The following PTBP3 variants were observed in gnomAD, a reference collection of about 807,000 sequenced individuals.
The protein encoded by PTBP3 is polypyrimidine tract-binding protein 3.
A neutral mutation model predicts 58.7 loss-of-function variants in PTBP3; 20 were observed. The ratio of observed to expected loss-of-function variants is 0.34; its 90% confidence interval spans 0.24 to 0.50. The LOEUF is 0.50. Among genes scored for constraint, PTBP3 ranks in the 20% least tolerant of loss-of-function variants. PTBP3 has a pLI of 0.98. For missense variants in PTBP3, 509 were observed against 637.2 expected (o/e 0.80, Z 2.17); for synonymous variants, 185 against 219.8 (o/e 0.84, Z 1.40).
At chr9:112,334,012 C>T (rs1830507672), upstream of PTBP3, among the ~76,000 whole-genome samples, 2 of 151,738 alleles carry the variant, frequency 1.3e-5, no homozygotes, top group South Asian at 2.1e-4. Context: ...CTCCCTCTGC[C>T]GGCAGGAAAA....
intron 3 of PTBP3, among the ~76,000 whole-genome samples, chr9:112,268,712 CAAAAAAAAAA>C (rs56196327): frequency 4.3e-5 from 4 of 94,064 alleles, no homozygotes; most frequent in Non-Finnish European, 8.8e-5. Context: ...GACACCGTCT[CAAAAAAAAAA>C]AAAAAAAAAA....
intron 2 of PTBP3, among the ~76,000 whole-genome samples, chr9:112,291,948 AATC>A (rs1398779788): frequency 7.7e-6 from 1 of 129,682 alleles, no homozygotes; most frequent in African/African-American, 3.1e-5. Context: ...GGGAGAAAGA[AATC>A]ATAAACTACA....
chr9:112,310,289 T>C (rs1587872176), intron 1 of PTBP3, among the ~76,000 whole-genome samples: 1 of 152,248 alleles, frequency 6.6e-6, no homozygotes, highest in African/African-American at 2.4e-5. Flanking sequence ...CTTCATTTTA[T>C]ATGGACATCT....
chr9:112,228,481 A>C lies in PTBP3; in HGVS notation c.1055-9T>G. On this transcript the variant is annotated splice_polypyrimidine_tract_variant and intron_variant, in intron 10 of 13. Transcript: ENST00000374257. ...TACATCACCATAGACTCCTAATTAAAACAAAACAAAACACTGTGTTTAACG... is the reference window on the plus strand; with the variant it reads ...TACATCACCATAGACTCCTAATTAACACAAAACAAAACACTGTGTTTAACG... The C allele has an allele frequency of 6.7e-7, 1 of 1,502,486 alleles. No homozygotes were observed. The highest frequency in any genetic ancestry group is 9.1e-7 in the Non-Finnish European group (1 of 1,101,814). 93.1% of individuals were successfully genotyped at this position (1,502,486 alleles called of 1,614,324 possible).
chr9:112,340,287 G>T, the PTBP3 span, among the ~76,000 whole-genome samples: 1 of 152,178 alleles, frequency 6.6e-6, no homozygotes, highest in Non-Finnish European at 1.5e-5. Context: ...TACTAAATTT[G>T]TATTTCTGGT....
At chr9:112,333,709 C>T, upstream of PTBP3, 1 of 404,252 alleles carries the variant, frequency 2.5e-6, no homozygotes, top group Non-Finnish European at 4.4e-6. Flanking sequence ...TAGCCCGACC[C>T]CGCCCCCTCA....
intron 2 of PTBP3, among the ~76,000 whole-genome samples, chr9:112,278,937 T>C (rs531725778): frequency 6.6e-6 from 1 of 152,348 alleles, no homozygotes; most frequent in South Asian, 2.1e-4. Flanking sequence ...GTTCTATTTT[T>C]TCCCAATCAA....
chr9:112,235,241 TA>T (rs370123343), intron 7 of PTBP3, among the ~76,000 whole-genome samples: 44 of 151,440 alleles, frequency 2.9e-4, no homozygotes, highest in South Asian at 6.3e-4. Flanking sequence ...TATGCTGATT[TA>T]AAAAAAAATG....
intron 7 of PTBP3, among the ~76,000 whole-genome samples, chr9:112,240,644 A>G: frequency 1.0e-5 from 1 of 97,838 alleles, no homozygotes; most frequent in South Asian, 3.7e-4. Context: ...GTGTACTCCT[A>G]CTTGTTTTTT....
upstream of PTBP3, chr9:112,333,744 C>A: frequency 3.0e-6 from 1 of 332,974 alleles, no homozygotes; most frequent in Non-Finnish European, 5.4e-6. Flanking sequence ...CCTCGGGGCC[C>A]GCCCCTGCGC....
At chr9:112,368,286 T>C in the PTBP3 span, among the ~76,000 whole-genome samples, 2 of 152,228 alleles carry the variant, frequency 1.3e-5, no homozygotes, top group Non-Finnish European at 2.9e-5. Context: ...TTCTTGTGCC[T>C]CGGCCTCCTG....
chr9:112,360,148 G>A, the PTBP3 span, among the ~76,000 whole-genome samples: 2 of 152,164 alleles, frequency 1.3e-5, no homozygotes, highest in African/African-American at 4.8e-5. Flanking sequence ...AGAAGGCTTG[G>A]TACATTATCA....
intron 2 of PTBP3, among the ~76,000 whole-genome samples, chr9:112,283,773 G>A (rs1023810028): frequency 6.6e-6 from 1 of 152,238 alleles, no homozygotes; most frequent in African/African-American, 2.4e-5. Context: ...AGGCCTAAGA[G>A]AAAACAACGG....
At chr9:112,235,676 TAAGTA>T (rs781326377) in intron 7 of PTBP3, among the ~76,000 whole-genome samples, 76 of 152,254 alleles carry the variant, frequency 5.0e-4, no homozygotes, top group Non-Finnish European at 9.6e-4. Context: ...CAGATTATTG[TAAGTA>T]AACACATAAA....
chr9:112,344,781 T>C, the PTBP3 span, among the ~76,000 whole-genome samples: 1 of 152,158 alleles, frequency 6.6e-6, no homozygotes, highest in Non-Finnish European at 1.5e-5. Context: ...GGGTATAAGA[T>C]TAACATATGA....
intron 7 of PTBP3, among the ~76,000 whole-genome samples, chr9:112,239,511 C>T (rs187539339): frequency 6.6e-6 from 1 of 152,118 alleles, no homozygotes; most frequent in East Asian, 1.9e-4. Context: ...GGGTGGGTCA[C>T]TTCAGGCCAC....
At chr9:112,340,655 G>C in the PTBP3 span, among the ~76,000 whole-genome samples, 2 of 152,132 alleles carry the variant, frequency 1.3e-5, no homozygotes, top group African/African-American at 4.8e-5. Context: ...GGCTGAGGCG[G>C]GTGGATCACC....
intron 1 of PTBP3, among the ~76,000 whole-genome samples, chr9:112,323,776 T>C (rs1268207656): frequency 1.3e-5 from 2 of 152,192 alleles, no homozygotes; most frequent in Non-Finnish European, 1.5e-5. Context: ...CAATTTCAAA[T>C]GTGTAACACA....
At chr9:112,284,830 G>A (rs546206754) in intron 2 of PTBP3, among the ~76,000 whole-genome samples, 13 of 135,720 alleles carry the variant, frequency 9.6e-5, no homozygotes, top group African/African-American at 3.7e-4. Flanking sequence ...TTTGGAATGG[G>A]AGCATTCATC....
Sources: allele counts gnomAD v4.1 joint callset (sites outside exome capture counted in the v4.1 genomes callset), GRCh38; gene constraint gnomAD v4.1.1; transcripts MANE v1.5; gene names NCBI Gene and HGNC (gene_info 2026-07-23, HGNC 2026-07-21).